Variants in RGS6 observed in about 807,000 individuals in gnomAD.
RGS6 encodes the protein regulator of G-protein signaling 6.
Under a neutral mutation model 78.5 loss-of-function variants are expected in RGS6, and 30 were observed. That is an observed-to-expected ratio of 0.38 (90% CI 0.29 to 0.52). The LOEUF (loss-of-function observed/expected upper bound fraction) is 0.52. Among genes scored for constraint, RGS6 ranks in the 20% least tolerant of loss-of-function variants. The pLI is 0.85. For missense variants in RGS6, 495 were observed against 609.7 expected (o/e 0.81, Z 1.98); for synonymous variants, 206 against 206.0 (o/e 1.00, Z 0.00).
At chr14:72,468,395 T>C (rs1390125843) in intron 7 of RGS6, among the ~76,000 whole-genome samples, 1 of 149,786 alleles carries the variant, frequency 6.7e-6, no homozygotes, top group Non-Finnish European at 1.5e-5. Context: ...AAAAAGAATA[T>C]GGCATTGAGA....
intron 2 of RGS6, among the ~76,000 whole-genome samples, chr14:72,194,630 G>T (rs1001412607): frequency 2.0e-5 from 3 of 152,120 alleles, no homozygotes; most frequent in African/African-American, 7.2e-5. Flanking sequence ...CCAAAGTGCT[G>T]GGATTACAGG....
intron 2 of RGS6, among the ~76,000 whole-genome samples, chr14:72,126,608 TG>T (rs1416877787): frequency 6.6e-6 from 1 of 152,208 alleles, no homozygotes; most frequent in Non-Finnish European, 1.5e-5. Context: ...TAAGGCCTTT[TG>T]GGTGGGTGCT....
intron 2 of RGS6, chr14:71,990,456 T>G (rs1294932780): frequency 2.7e-6 from 1 of 373,980 alleles, no homozygotes; most frequent in African/African-American, 2.1e-5. Flanking sequence ...GTTTGTGTCC[T>G]TTGGGACATG....
the RGS6 span, among the ~76,000 whole-genome samples, chr14:71,893,081 C>T: frequency 6.6e-6 from 1 of 152,286 alleles, no homozygotes; most frequent in Non-Finnish European, 1.5e-5. Context: ...TTTATCTGTA[C>T]TTTAGAGGCA....
At chr14:71,883,037 G>A in the RGS6 span, among the ~76,000 whole-genome samples, 5 of 152,198 alleles carry the variant, frequency 3.3e-5, no homozygotes, top group African/African-American at 1.2e-4. Context: ...TCGAGTCAGT[G>A]TTTCCTTTTT....
intron 3 of RGS6, among the ~76,000 whole-genome samples, chr14:72,418,857 C>T (rs2093998302): frequency 6.6e-6 from 1 of 152,254 alleles, no homozygotes; most frequent in African/African-American, 2.4e-5. Flanking sequence ...AGGCTGGCGC[C>T]TGGGCAGGTC....
intron 2 of RGS6, among the ~76,000 whole-genome samples, chr14:72,125,841 GTTGA>G (rs2096177882): frequency 6.6e-6 from 1 of 152,218 alleles, no homozygotes; most frequent in African/African-American, 2.4e-5. Flanking sequence ...TACAGGCCTA[GTTGA>G]TGGGTTGGTG....
At chr14:72,287,312 A>G (rs2062750527) in intron 2 of RGS6, among the ~76,000 whole-genome samples, 1 of 152,038 alleles carries the variant, frequency 6.6e-6, no homozygotes, top group Admixed American at 6.6e-5. Flanking sequence ...TTCTTGCCTA[A>G]TTGCTCGGAT....
intron 4 of RGS6, among the ~76,000 whole-genome samples, chr14:72,455,796 A>G (rs7158962): frequency 0.72 from 110,097 of 152,126 alleles, 40,190 homozygotes; most frequent in East Asian, 0.98. Context: ...GCCTGGACTG[A>G]ATCAGCATCT....
At chr14:71,948,618 T>C (rs35051666) in intron 1 of RGS6, among the ~76,000 whole-genome samples, 42,714 of 152,082 alleles carry the variant, frequency 0.28, 6,616 homozygotes, top group Admixed American at 0.35. Context: ...GTTATCTCTC[T>C]GAGATCAAGA....
the RGS6 span, among the ~76,000 whole-genome samples, chr14:71,920,612 TTCTTGCATGCGCACACGCGCG>T: frequency 7.1e-6 from 1 of 141,408 alleles, no homozygotes; most frequent in South Asian, 2.4e-4. Flanking sequence ...TGTGAATTCC[TTCTTGCATGCGCACACGCGCG>T]TGCACACACA....
chr14:71,919,643 C>T, the RGS6 span, among the ~76,000 whole-genome samples: 6 of 152,178 alleles, frequency 3.9e-5, no homozygotes, highest in Admixed American at 1.3e-4. Context: ...TATGCAGCTT[C>T]AACTATATCT....
At chr14:72,247,874 C>A (rs115052269) in intron 2 of RGS6, among the ~76,000 whole-genome samples, 2,872 of 152,252 alleles carry the variant, frequency 0.019, 87 homozygotes, top group African/African-American at 0.066. Context: ...GATGCCAGCC[C>A]CTCAACCTTG....
chr14:71,875,779 T>C, the RGS6 span, among the ~76,000 whole-genome samples: 3 of 152,328 alleles, frequency 2.0e-5, no homozygotes, highest in East Asian at 5.8e-4. Context: ...CTTGTGGGCA[T>C]TTAGTGCTAT....
chr14:72,356,454 A>G (rs1017038444), intron 3 of RGS6, among the ~76,000 whole-genome samples: 4 of 152,184 alleles, frequency 2.6e-5, no homozygotes, highest in African/African-American at 9.7e-5. Context: ...TAAATTACCC[A>G]GTCTCAGATC....
chr14:72,203,865 C>T (rs546740733), intron 2 of RGS6, among the ~76,000 whole-genome samples: 4 of 144,178 alleles, frequency 2.8e-5, no homozygotes, highest in East Asian at 2.0e-4. Context: ...TGCTGTGTCA[C>T]CCAGGCTGGA....
At chr14:72,269,501 C>T (rs145309937) in intron 2 of RGS6, among the ~76,000 whole-genome samples, 1 of 151,906 alleles carries the variant, frequency 6.6e-6, no homozygotes, top group East Asian at 1.9e-4. Flanking sequence ...CAGGAGACTG[C>T]ATGATTGAGA....
the RGS6 span, among the ~76,000 whole-genome samples, chr14:72,628,987 T>C: frequency 6.6e-6 from 1 of 152,164 alleles, no homozygotes; most frequent in African/African-American, 2.4e-5. Flanking sequence ...CTAATTGCAA[T>C]GTATGGGCCT....
intron 2 of RGS6, among the ~76,000 whole-genome samples, chr14:71,971,507 C>T (rs1258045767): frequency 6.6e-6 from 1 of 152,094 alleles, no homozygotes; most frequent in African/African-American, 2.4e-5. Context: ...TCCGGACATC[C>T]TTTTCATCTA....
Sources: allele counts gnomAD v4.1 joint callset (sites outside exome capture counted in the v4.1 genomes callset), GRCh38; gene constraint gnomAD v4.1.1; transcripts MANE v1.5; gene names NCBI Gene and HGNC (gene_info 2026-07-23, HGNC 2026-07-21).